The following VAT1L variants were observed in gnomAD, a reference collection of about 807,000 sequenced individuals.
VAT1L encodes the protein vesicle amine transport 1 like.
In VAT1L, 34 loss-of-function variants were observed where a neutral mutation model predicts 44.1. The ratio of observed to expected loss-of-function variants is 0.77; its 90% CI spans 0.59 to 1.03. The LOEUF (loss-of-function observed/expected upper bound fraction) is 1.03. VAT1L is among the 50% of genes least tolerant of loss of function. The pLI is 0.00. For missense variants in VAT1L, 615 were observed against 538.8 expected (o/e 1.14, Z -1.40); for synonymous variants, 253 against 202.2 (o/e 1.25, Z -2.13).
intron 4 of VAT1L, among the ~76,000 whole-genome samples, chr16:77,863,628 A>G (rs1462973054): frequency 6.6e-6 from 1 of 152,200 alleles, no homozygotes; most frequent in African/African-American, 2.4e-5. Context: ...GCTCTGGGAA[A>G]GGAAAGTCGT....
At chr16:77,880,548 C>CT (rs2017140468) in intron 6 of VAT1L, among the ~76,000 whole-genome samples, 1 of 150,456 alleles carries the variant, frequency 6.6e-6, no homozygotes, top group Non-Finnish European at 1.5e-5. Flanking sequence ...TACACCAGCA[C>CT]CAGCCCATGT....
chr16:77,962,655 G>C (rs547006174), intron 7 of VAT1L, among the ~76,000 whole-genome samples: 2 of 151,870 alleles, frequency 1.3e-5, no homozygotes, highest in African/African-American at 4.8e-5. Context: ...GGCCAAGGCA[G>C]GAGGACGGCT....
chr16:77,942,184 C>G (rs938058272), intron 7 of VAT1L, among the ~76,000 whole-genome samples: 1 of 152,194 alleles, frequency 6.6e-6, no homozygotes, highest in Non-Finnish European at 1.5e-5. Flanking sequence ...GTCTCACAAT[C>G]ATGGTGGAAG....
At chr16:77,951,844 A>AG (rs2018047392) in intron 7 of VAT1L, among the ~76,000 whole-genome samples, 1 of 133,092 alleles carries the variant, frequency 7.5e-6, no homozygotes, top group African/African-American at 2.6e-5. Context: ...TAAAATTAAA[A>AG]AAAAAAAAAC....
rs149492609 is a variant in VAT1L at position 77,889,874 on chromosome 16, G to T, written c.1077+5072G>T. 3.0e-3 allele frequency among the ~76,000 whole-genome samples: 452 copies of T among 152,090 alleles called. 3 individuals are homozygous for T. The highest frequency in any genetic ancestry group is 0.01 in the African/African-American group (424 of 41,478). On this transcript the variant is annotated intron_variant, in intron 7 of 8. Coordinates refer to ENST00000302536, the MANE Select transcript of VAT1L (RefSeq NM_020927.3). ...GGCTGAGGCAAGCAGTTCACTTGAGGTCGGGAGTTCGAGACCAGCCCGGCC... is the reference window on the plus strand; with the variant it reads ...GGCTGAGGCAAGCAGTTCACTTGAGTTCGGGAGTTCGAGACCAGCCCGGCC...
chr16:77,808,047 G>C (rs1038431221), intron 1 of VAT1L, among the ~76,000 whole-genome samples: 1 of 151,842 alleles, frequency 6.6e-6, no homozygotes, highest in Non-Finnish European at 1.5e-5. Context: ...CCACAGACCA[G>C]TACTGGTCTG....
intron 7 of VAT1L, among the ~76,000 whole-genome samples, chr16:77,894,339 G>T (rs1207560668): frequency 2.6e-5 from 4 of 152,218 alleles, no homozygotes; most frequent in African/African-American, 9.6e-5. Flanking sequence ...CAGGCTCATT[G>T]TTGACCTTTC....
chr16:77,878,193 G>T (rs1479705100), intron 5 of VAT1L, among the ~76,000 whole-genome samples: 1 of 152,114 alleles, frequency 6.6e-6, no homozygotes. Context: ...CAGAAGCAAT[G>T]GTTCACTATT....
In VAT1L at chr16:77,810,708, C is replaced by T. The variant is rs7193189; in HGVS notation, c.234-6213C>T. Among the ~76,000 whole-genome samples, 1,168 of 152,148 alleles carry T rather than the reference C, an allele frequency of 7.7e-3. 18 individuals carry two copies. The highest frequency in any genetic ancestry group is 0.027 in the African/African-American group (1,124 of 41,514). Reference sequence around the variant, plus strand: ...AAAATGATATAGAGAATGAATGTGACAAATTTGGCTCAGAGCTTCCTAGCA... The same window carrying T: ...AAAATGATATAGAGAATGAATGTGATAAATTTGGCTCAGAGCTTCCTAGCA... On this transcript the variant is annotated intron_variant, in intron 1 of 8. Transcript: ENST00000302536.
intron 3 of VAT1L, among the ~76,000 whole-genome samples, chr16:77,826,132 G>A (rs557534529): frequency 6.7e-4 from 100 of 149,440 alleles, no homozygotes; most frequent in Non-Finnish European, 1.2e-3. Context: ...GCGTGAACCC[G>A]GGAGGCAGAG....
chr16:77,913,079 G>C (rs1287135705), intron 7 of VAT1L, among the ~76,000 whole-genome samples: 1 of 152,116 alleles, frequency 6.6e-6, no homozygotes, highest in Admixed American at 6.6e-5. Flanking sequence ...TAGGCATTCA[G>C]TCTATAGCAG....
chr16:77,899,097 T>C (rs1366152082), intron 7 of VAT1L, among the ~76,000 whole-genome samples: 2 of 152,226 alleles, frequency 1.3e-5, no homozygotes, highest in Non-Finnish European at 2.9e-5. Flanking sequence ...GCACTTTACA[T>C]GCATTAGCTC....
At chr16:77,902,738 G>GGGGA (rs1190283293) in intron 7 of VAT1L, among the ~76,000 whole-genome samples, 2 of 132,138 alleles carry the variant, frequency 1.5e-5, no homozygotes. Flanking sequence ...GGGGTGGGGG[G>GGGGA]GGTGTGGATC....
intron 3 of VAT1L, among the ~76,000 whole-genome samples, chr16:77,845,252 TG>T: frequency 6.6e-6 from 1 of 152,286 alleles, no homozygotes; most frequent in South Asian, 2.1e-4. Context: ...GTTTGCAATT[TG>T]GCCCATGTTC....
chr16:77,944,153 T>A (rs770526197), intron 7 of VAT1L, among the ~76,000 whole-genome samples: 4 of 152,076 alleles, frequency 2.6e-5, no homozygotes, highest in Non-Finnish European at 5.9e-5. Context: ...GGGATTGTGC[T>A]AAACATCTCA....
At position 77,788,639 on chromosome 16, in the gene VAT1L, C is replaced by T. The variant is rs1282482367; in HGVS notation, c.-44C>T. ...AGCCCCACTCCCCCAGCGCCGCAGCCACCGCAGCCACCGCAGCCCGTGCGC... is the reference window on the plus strand; with the variant it reads ...AGCCCCACTCCCCCAGCGCCGCAGCTACCGCAGCCACCGCAGCCCGTGCGC... On this transcript the variant is annotated 5_prime_UTR_variant, in exon 1 of 9. Transcript: ENST00000302536. The T allele has an allele frequency of 2.6e-6, 4 of 1,540,824 alleles. No individual in the cohort carries two copies. The highest frequency in any genetic ancestry group is 3.5e-6 in the Non-Finnish European group (4 of 1,142,532).
At chr16:77,977,489 C>G (rs1057492790) in intron 8 of VAT1L, 108 bp from the exon 9 acceptor site, 1 of 1,105,152 alleles carries the variant, frequency 9.0e-7, no homozygotes, top group African/African-American at 1.6e-5. Context: ...AAACAAGCAA[C>G]CCTAGTTCCT....
At chr16:77,866,431 T>A (rs1281424139) in intron 4 of VAT1L, among the ~76,000 whole-genome samples, 1 of 151,592 alleles carries the variant, frequency 6.6e-6, no homozygotes, top group Admixed American at 6.6e-5. Context: ...AAAAGCAGAA[T>A]GCCAGATTCC....
At chr16:77,834,455 G>C in intron 3 of VAT1L, among the ~76,000 whole-genome samples, 1 of 152,176 alleles carries the variant, frequency 6.6e-6, no homozygotes, top group South Asian at 2.1e-4. Flanking sequence ...ATGGACAGAG[G>C]TATGCGATGC....
Sources: allele counts gnomAD v4.1 joint callset (sites outside exome capture counted in the v4.1 genomes callset), GRCh38; gene constraint gnomAD v4.1.1; transcripts MANE v1.5; gene names NCBI Gene and HGNC (gene_info 2026-07-23, HGNC 2026-07-21).